The following CCDC6 variants were observed in gnomAD, a reference collection of about 807,000 sequenced individuals.
The protein encoded by CCDC6 is coiled-coil domain containing 6.
CCDC6 carries 20 observed loss-of-function variants against 56.6 expected under a neutral mutation model. The observed-to-expected ratio is 0.35, with a 90% CI of 0.25 to 0.51. The LOEUF is 0.51. Among genes scored for constraint, CCDC6 ranks in the 20% least tolerant of loss-of-function variants. The probability of loss-of-function intolerance (pLI) is 0.95; values close to 1 mark genes in which losing one functional copy is unlikely to be tolerated. For missense variants in CCDC6, 367 were observed against 601.1 expected (o/e 0.61, Z 4.07); for synonymous variants, 241 against 234.4 (o/e 1.03, Z -0.26).
At chr10:59,806,049 A>G (rs917532089) in intron 6 of CCDC6, among the ~76,000 whole-genome samples, 1 of 152,198 alleles carries the variant, frequency 6.6e-6, no homozygotes, top group African/African-American at 2.4e-5. Context: ...GGGACCCCCA[A>G]GAATACTCAG....
chr10:59,859,511 TTAAAA>T (rs2071109685), intron 1 of CCDC6, among the ~76,000 whole-genome samples: 1 of 152,110 alleles, frequency 6.6e-6, no homozygotes, highest in South Asian at 2.1e-4. Flanking sequence ...ACAGAACTTC[TTAAAA>T]TAAATGTTTA....
At chr10:59,869,165 CTA>C (rs1461006947) in intron 1 of CCDC6, among the ~76,000 whole-genome samples, 2 of 151,804 alleles carry the variant, frequency 1.3e-5, no homozygotes, top group Non-Finnish European at 2.9e-5. Context: ...CAGTGTAGTG[CTA>C]TAAACTATAG....
intron 2 of CCDC6, among the ~76,000 whole-genome samples, chr10:59,839,548 T>C (rs1262423647): frequency 6.6e-6 from 1 of 152,220 alleles, no homozygotes; most frequent in East Asian, 1.9e-4. Context: ...TTTCTCTTCC[T>C]GTTTATAGCC....
intron 3 of CCDC6, among the ~76,000 whole-genome samples, chr10:59,830,213 G>A (rs1163637972): frequency 6.6e-6 from 1 of 152,228 alleles, no homozygotes. Flanking sequence ...ATAAGGCATA[G>A]TGTAGTGCAT....
At chr10:59,839,169 T>A (rs1447748517) in intron 2 of CCDC6, among the ~76,000 whole-genome samples, 1 of 152,238 alleles carries the variant, frequency 6.6e-6, no homozygotes, top group African/African-American at 2.4e-5. Context: ...AATTAGGTGA[T>A]CTGCCTGAAA....
chr10:59,889,267 C>T (rs373717504), intron 1 of CCDC6, among the ~76,000 whole-genome samples: 1 of 152,144 alleles, frequency 6.6e-6, no homozygotes, highest in Admixed American at 6.5e-5. Flanking sequence ...AACAGGGACA[C>T]GTGAGAAAGC....
chr10:59,872,608 T>G (rs551602382), intron 1 of CCDC6, among the ~76,000 whole-genome samples: 121 of 152,212 alleles, frequency 7.9e-4, no homozygotes, highest in African/African-American at 2.9e-3. Context: ...TGTATGAACA[T>G]TTTCTAGTTT....
chr10:59,806,760 T>A, intron 6 of CCDC6, 162 bp downstream of exon 6: 1 of 503,498 alleles, frequency 2.0e-6, no homozygotes, highest in Admixed American at 3.5e-5. Flanking sequence ...TCAATCTTTA[T>A]CCCATTCTTG....
In CCDC6 at chr10:59,906,486, G is replaced by C; in HGVS notation, c.-62C>G. 1 of 1,375,310 alleles carries C rather than the reference G, an allele frequency of 7.3e-7. No individual in the cohort carries two copies. Among genetic ancestry groups the C allele is most frequent in the Non-Finnish European group, 9.4e-7 (1 of 1,058,550 alleles). 85.2% of individuals were successfully genotyped at this position (1,375,310 alleles called of 1,614,324 possible). A position where few individuals can be genotyped will look rare whatever the true frequency, so the allele number is the denominator to read the frequency against. On this transcript the variant is annotated 5_prime_UTR_variant, in exon 1 of 9. Coordinates refer to ENST00000263102, the MANE Select transcript of CCDC6 (RefSeq NM_005436.5). ...GGGAGGCGGCGGCGACGAAGGCCGG[G>C]CTGCGAATGAGTGGGCGCCGGGCGA... is the stretch of plus-strand genomic sequence containing the variant.
intron 1 of CCDC6, among the ~76,000 whole-genome samples, chr10:59,854,385 TAC>T (rs1161451163): frequency 6.6e-6 from 1 of 152,122 alleles, no homozygotes; most frequent in African/African-American, 2.4e-5. Context: ...CCACACATAG[TAC>T]ACAGACTGAA....
chr10:59,850,614 T>A (rs1011490789), intron 2 of CCDC6, among the ~76,000 whole-genome samples: 1 of 152,210 alleles, frequency 6.6e-6, no homozygotes, highest in African/African-American at 2.4e-5. Flanking sequence ...AATAACAGTT[T>A]ATTTTGTTCA....
At chr10:59,883,013 G>A (rs1053230346) in intron 1 of CCDC6, among the ~76,000 whole-genome samples, 11 of 147,888 alleles carry the variant, frequency 7.4e-5, no homozygotes, top group African/African-American at 2.6e-4. Flanking sequence ...TTACCGTATT[G>A]ATCGACTTTA....
At chr10:59,811,155 T>C (rs1459339752) in intron 5 of CCDC6, among the ~76,000 whole-genome samples, 2 of 152,162 alleles carry the variant, frequency 1.3e-5, no homozygotes, top group African/African-American at 4.8e-5. Context: ...TAAGTTTGTA[T>C]TGTTTTGAGC....
In CCDC6 at chr10:59,789,402, T is replaced by A; in HGVS notation, c.*3515A>T. On this transcript the variant is annotated 3_prime_UTR_variant, in exon 9 of 9. Coordinates refer to ENST00000263102, the MANE Select transcript of CCDC6 (RefSeq NM_005436.5). Reference sequence around the variant, plus strand: ...ATTCCAGAAAATGCCCCCCACGACTTTATGCTAACAGCTGTGTGTATGTTT... The same window carrying A: ...ATTCCAGAAAATGCCCCCCACGACTATATGCTAACAGCTGTGTGTATGTTT... 2 of 229,976 alleles carry A rather than the reference T, an allele frequency of 8.7e-6. No individual in the cohort carries two copies. The highest frequency in any genetic ancestry group is 8.6e-6 in the Non-Finnish European group (1 of 116,180). The allele number at this position is 229,976 out of a possible 1,614,324, so 14.2% of individuals were successfully genotyped here. A position where few individuals can be genotyped will look rare whatever the true frequency, so the allele number is the denominator to read the frequency against.
intron 2 of CCDC6, among the ~76,000 whole-genome samples, chr10:59,845,841 T>A (rs2070986775): frequency 6.6e-6 from 1 of 152,202 alleles, no homozygotes; most frequent in Non-Finnish European, 1.5e-5. Context: ...TTTAGATCTC[T>A]CCCCTAACAC....
chr10:59,851,121 C>A (rs1589049864), intron 2 of CCDC6, among the ~76,000 whole-genome samples: 5 of 76,728 alleles, frequency 6.5e-5, no homozygotes, highest in South Asian at 4.7e-4. Context: ...AAAAAACAAC[C>A]ATGTAAATTG....
At chr10:59,898,478 C>T (rs2071480097) in intron 1 of CCDC6, among the ~76,000 whole-genome samples, 1 of 152,190 alleles carries the variant, frequency 6.6e-6, no homozygotes. Context: ...AGGTAAAATT[C>T]CCCTCCCTGG....
intron 1 of CCDC6, among the ~76,000 whole-genome samples, chr10:59,877,717 T>C (rs2071296718): frequency 6.6e-6 from 1 of 152,124 alleles, no homozygotes; most frequent in African/African-American, 2.4e-5. Flanking sequence ...CCCCATTCTG[T>C]GGTAAGAGAT....
chr10:59,822,262 T>C (rs1236035665), intron 3 of CCDC6, among the ~76,000 whole-genome samples: 2 of 152,178 alleles, frequency 1.3e-5, no homozygotes, highest in African/African-American at 4.8e-5. Flanking sequence ...AATGACACTA[T>C]TTCATAACTT....
Sources: allele counts gnomAD v4.1 joint callset (sites outside exome capture counted in the v4.1 genomes callset), GRCh38; gene constraint gnomAD v4.1.1; transcripts MANE v1.5; gene names NCBI Gene and HGNC (gene_info 2026-07-23, HGNC 2026-07-21).